Variants in DNAJC10 observed in about 807,000 individuals in gnomAD.
DNAJC10 encodes the protein DnaJ heat shock protein family (Hsp40) member C10, also known as endoplasmic reticulum disulfide reductase DNAJC10.
In DNAJC10, 101 loss-of-function variants were observed where a neutral mutation model predicts 115.0. That is an observed-to-expected ratio of 0.88 (90% CI 0.75 to 1.04). DNAJC10 has a LOEUF of 1.04. Ranked by LOEUF, DNAJC10 falls within the 50% of genes least tolerant of loss-of-function variation. The pLI, the probability that DNAJC10 is intolerant of heterozygous loss-of-function variation, is 0.00. For missense variants in DNAJC10, 981 were observed against 928.8 expected (o/e 1.06, Z -0.73); for synonymous variants, 307 against 301.5 (o/e 1.02, Z -0.19).
chr2:182,757,579 A>G, intron 18 of DNAJC10, 113 bp from the exon 19 acceptor site: 2 of 793,520 alleles, frequency 2.5e-6, no homozygotes, highest in Non-Finnish European at 3.5e-6. Context: ...TTATTGGGTA[A>G]AAGTCACTGA....
Position 182,729,932 on chromosome 2 carries a change from C to T in DNAJC10, c.718C>T (p.Leu240Phe). 1.9e-6 allele frequency: 3 copies of T among 1,595,292 alleles called. No individual in the cohort carries two copies. Among genetic ancestry groups the T allele is most frequent in the Non-Finnish European group, 2.6e-6 (3 of 1,169,488 alleles). ...GCATGTTAGAAGTACAGTGACAGAA[C>T]TTTGGACAGGTAATTTTATTTTCTT... ...MQHVRSTVTE[L>F]WTGNFVNSIQ... Residue 240 changes from leucine (L) to phenylalanine (F), a missense_variant, in exon 8 of 24, where the codon CTT (leucine) becomes TTT (phenylalanine). Transcript: ENST00000264065.
rs1695086433 is a variant in DNAJC10, at chr2:182,793,357, G to A, written c.*16225G>A. On this transcript the variant is annotated 3_prime_UTR_variant, in exon 24 of 24. Transcript: ENST00000264065. ...AAGGACTTCAACTTCTACTCACAGT[G>A]AAATTGTGAAATTCCAGAACCAAAA... 6.6e-6 allele frequency: 1 copy of A among 152,168 alleles called. No individual in the cohort carries two copies. The highest frequency in any genetic ancestry group is 2.4e-5 in the African/African-American group (1 of 41,436). 9.4% of individuals were successfully genotyped at this position (152,168 alleles called of 1,614,324 possible). A position where few individuals can be genotyped will look rare whatever the true frequency, so the allele number is the denominator to read the frequency against.
chr2:182,763,306 G>A (rs1236337360), intron 22 of DNAJC10, among the ~76,000 whole-genome samples: 1 of 151,906 alleles, frequency 6.6e-6, no homozygotes, highest in Non-Finnish European at 1.5e-5. Flanking sequence ...CATGTTTTCT[G>A]GTAAAACATT....
Position 182,788,747 on chromosome 2 carries a change from A to G in DNAJC10, c.*11615A>G. The G allele has an allele frequency of 2.3e-6, 1 of 441,724 alleles. No homozygotes were observed. The highest frequency in any genetic ancestry group is 4.5e-6 in the Non-Finnish European group (1 of 222,764). 27.4% of individuals were successfully genotyped at this position (441,724 alleles called of 1,614,324 possible). On this transcript the variant is annotated 3_prime_UTR_variant, in exon 24 of 24. Transcript: ENST00000264065. ...ATCCAGGGAAGTTCCTACTTGGGAA[A>G]ACGGAAAGGTAGACTATTCAGAAGT...
chr2:182,736,159 A>G (rs1693579464), intron 10 of DNAJC10, 90 bp from the exon 11 acceptor site: 2 of 1,311,292 alleles, frequency 1.5e-6, no homozygotes, highest in South Asian at 3.3e-5. Flanking sequence ...TTTGGTAGAA[A>G]AATTGTGTTT....
intron 1 of DNAJC10, among the ~76,000 whole-genome samples, chr2:182,716,699 C>T (rs371192332): frequency 6.6e-6 from 1 of 152,202 alleles, no homozygotes; most frequent in Non-Finnish European, 1.5e-5. Flanking sequence ...ACACTTTCTC[C>T]CTAAGTCCGA....
intron 2 of DNAJC10, among the ~76,000 whole-genome samples, 187 bp downstream of exon 2, chr2:182,717,259 TTC>T (rs2105597353): frequency 6.6e-6 from 1 of 152,306 alleles, no homozygotes; most frequent in South Asian, 2.1e-4. Context: ...ACCGATTCCC[TTC>T]TCTTTTTGTG....
Position 182,751,649 on chromosome 2 carries a change from CT to C in DNAJC10, c.1307-6del, listed in dbSNP as rs1694021323. ...TTTGGATTTGAATTTCTCTCATTCACTTTGAAAGGAAAGAAGATTCTATATG... is the reference window on the plus strand; with the variant it reads ...TTTGGATTTGAATTTCTCTCATTCACTTGAAAGGAAAGAAGATTCTATATG... On this transcript the variant is annotated splice_region_variant and splice_polypyrimidine_tract_variant and intron_variant, in intron 14 of 23. Transcript: ENST00000264065. 6.2e-7 allele frequency: 1 copy of C among 1,608,026 alleles called. No homozygotes were observed. The highest frequency in any genetic ancestry group is 8.5e-7 in the Non-Finnish European group (1 of 1,178,528).
chr2:182,764,623 G>A (rs893684325), intron 22 of DNAJC10, among the ~76,000 whole-genome samples: 7 of 152,066 alleles, frequency 4.6e-5, no homozygotes, highest in Non-Finnish European at 8.8e-5. Flanking sequence ...ACTATAAAAG[G>A]ATTGATTCTG....
Position 182,759,207 on chromosome 2 carries a change from A to G in DNAJC10, c.2045A>G (p.Glu682Gly). 1.2e-6 allele frequency: 2 copies of G among 1,607,892 alleles called. No individual in the cohort carries two copies. Among genetic ancestry groups the G allele is most frequent in the Non-Finnish European group, 1.7e-6 (2 of 1,178,448 alleles). ...GATCTAACACCTCAGACTTTCAGTG[A>G]AAAAGTTCTACAAGGGAAAAATCAT... ...STDLTPQTFS[E>G]KVLQGKNHWV... The change falls in exon 21 of 24, where the codon GAA (glutamate) becomes GGA (glycine). Residue 682 changes from glutamate (E) to glycine (G), a missense_variant. Coordinates refer to ENST00000264065, the MANE Select transcript of DNAJC10 (RefSeq NM_018981.4).
At position 182,779,861 on chromosome 2, in the gene DNAJC10, T is replaced by C. The variant is rs958381180; in HGVS notation, c.*2729T>C. On this transcript the variant is annotated 3_prime_UTR_variant, in exon 24 of 24. Coordinates refer to ENST00000264065, the MANE Select transcript of DNAJC10 (RefSeq NM_018981.4). The stretch of plus-strand genomic sequence containing the variant: ...AAGATGTTTAGTACGATAAAATTTT[T>C]AGTAAAAGGGTAGCACTTTTAAGTC... 5.9e-5 allele frequency: 9 copies of C among 152,204 alleles called. No homozygotes were observed. Among genetic ancestry groups the C allele is most frequent in the Non-Finnish European group, 1.3e-4 (9 of 68,036 alleles). 9.4% of individuals were successfully genotyped at this position (152,204 alleles called of 1,614,324 possible).
In DNAJC10 at chr2:182,777,170, T is replaced by G. The variant is rs764656223; in HGVS notation, c.*38T>G. 1.5e-6 allele frequency: 2 copies of G among 1,290,414 alleles called. No individual in the cohort carries two copies. The highest frequency in any genetic ancestry group is 3.4e-5 in the South Asian group (2 of 58,558). The allele number at this position is 1,290,414 out of a possible 1,614,324, so 79.9% of individuals were successfully genotyped here. A position where few individuals can be genotyped will look rare whatever the true frequency, so the allele number is the denominator to read the frequency against. On this transcript the variant is annotated 3_prime_UTR_variant, in exon 24 of 24. Transcript: ENST00000264065. ...TGAAGAAAAAGTTTAAAAGAAATTCTGACAGATGACATCAGAAGACACCTA... is the reference window on the plus strand; with the variant it reads ...TGAAGAAAAAGTTTAAAAGAAATTCGGACAGATGACATCAGAAGACACCTA...
chr2:182,768,181 G>T (rs778447429), intron 22 of DNAJC10, among the ~76,000 whole-genome samples: 9 of 152,016 alleles, frequency 5.9e-5, no homozygotes, highest in Non-Finnish European at 2.9e-5. Flanking sequence ...TCTGTCTTAA[G>T]AACAATCTAG....
Position 182,720,062 on chromosome 2 carries a change from T to G in DNAJC10, c.260T>G (p.Leu87Arg), listed in dbSNP as rs879822227. The change falls in exon 4 of 24, where the codon CTC (leucine) becomes CGC (arginine). Residue 87 changes from leucine (L) to arginine (R), a missense_variant. By Grantham distance (102) the Leu-to-Arg change is moderately radical (BLOSUM62 -2). Transcript: ENST00000264065. ...FLKINRAYEV[L>R]KDEDLRKKYD... is the part of the protein sequence containing the mutation. ...AAAATAAATAGAGCATATGAAGTAC[T>G]CAAAGATGAAGATCTACGGAAAAAG... is the stretch of plus-strand genomic sequence containing the variant. 1 of 1,604,104 alleles carries G rather than the reference T, an allele frequency of 6.2e-7. No homozygotes were observed. The highest frequency in any genetic ancestry group is 8.5e-7 in the Non-Finnish European group (1 of 1,171,308).
rs1480959798 is a variant in DNAJC10, at chr2:182,752,158, T to TTGTACAG, written c.1523_1529dup (p.His511TyrfsTer4). ...GTCAGCTTAAGTTTGGTACACTAGA[T>TTGTACAG]TGTACAGTTCATGAGGGACTCTGTA... On this transcript the variant is annotated frameshift_variant, in exon 16 of 24. Transcript: ENST00000264065. LOFTEE classifies it high-confidence loss of function. 1 of 1,610,958 alleles carries TTGTACAG rather than the reference T, an allele frequency of 6.2e-7. No individual in the cohort carries two copies. Among genetic ancestry groups the TTGTACAG allele is most frequent in the Non-Finnish European group, 8.5e-7 (1 of 1,177,578 alleles).
chr2:182,733,810 T>TAGAC (rs1693513733), intron 10 of DNAJC10, among the ~76,000 whole-genome samples: 1 of 150,192 alleles, frequency 6.7e-6, no homozygotes, highest in South Asian at 2.1e-4. Flanking sequence ...GATAGATAGA[T>TAGAC]AGATAGATAG....
chr2:182,718,362 T>A (rs1317333451), intron 3 of DNAJC10, 72 bp downstream of exon 3: 1 of 1,233,534 alleles, frequency 8.1e-7, no homozygotes, highest in Non-Finnish European at 1.1e-6. Flanking sequence ...TTAAATTGCT[T>A]TAAATGATCA....
At position 182,719,250 on chromosome 2, in the gene DNAJC10, C is replaced by CTTTTTTT. The variant is rs57284693; in HGVS notation, c.205-740_205-734dup. On this transcript the variant is annotated intron_variant, in intron 3 of 23. Coordinates refer to ENST00000264065, the MANE Select transcript of DNAJC10 (RefSeq NM_018981.4). ...TTCCGATCCAATTTTGGATTGTTTT[C>CTTTTTTT]TTTTTTTTTTTTTTTTTTTTTTTGA... Among the ~76,000 whole-genome samples, 113 of 83,690 alleles carry CTTTTTTT rather than the reference C, an allele frequency of 1.4e-3. 4 individuals are homozygous for CTTTTTTT. The highest frequency in any genetic ancestry group is 4.2e-3 in the African/African-American group (89 of 21,198). The allele number at this position is 83,690 out of a possible 152,430, so 54.9% of individuals were successfully genotyped here. A position where few individuals can be genotyped will look rare whatever the true frequency, so the allele number is the denominator to read the frequency against.
rs1694872989 is a variant in DNAJC10, at chr2:182,782,553, A to G, written c.*5421A>G. On this transcript the variant is annotated 3_prime_UTR_variant, in exon 24 of 24. Coordinates refer to ENST00000264065, the MANE Select transcript of DNAJC10 (RefSeq NM_018981.4). ...ATATTAATTCTTCCTATCCATGAGC[A>G]TGGAATGCTTTTTCCATTTGTTTCT... The G allele has an allele frequency of 6.6e-6, 1 of 152,204 alleles. No individual in the cohort carries two copies. The highest frequency in any genetic ancestry group is 1.5e-5 in the Non-Finnish European group (1 of 68,030). The allele number at this position is 152,204 out of a possible 1,614,324, so 9.4% of individuals were successfully genotyped here. A position where few individuals can be genotyped will look rare whatever the true frequency, so the allele number is the denominator to read the frequency against.
Sources: gnomAD v4.1 joint callset for allele counts (sites outside exome capture counted in the v4.1 genomes callset) on GRCh38, gnomAD v4.1.1 for gene constraint, MANE v1.5 for transcripts, NCBI Gene and HGNC (gene_info 2026-07-23, HGNC 2026-07-21) for gene names.